Variants in GLRB observed in about 807,000 individuals in gnomAD.
The protein encoded by GLRB is glycine receptor subunit beta.
In GLRB, 33 loss-of-function variants were observed where a neutral mutation model predicts 54.2. The observed-to-expected ratio is 0.61, with a 90% CI of 0.46 to 0.81. The LOEUF (loss-of-function observed/expected upper bound fraction) is 0.81. Ranked by LOEUF, GLRB falls within the 40% of genes least tolerant of loss-of-function variation. The pLI is 0.00. For missense variants in GLRB, 572 were observed against 584.6 expected, an observed-to-expected ratio of 0.98 and a Z score of 0.22; for synonymous variants, 209 against 208.2, an observed-to-expected ratio of 1.00 and a Z score of -0.03.
At chr4:157,105,887 G>A (rs1195152972) in intron 2 of GLRB, among the ~76,000 whole-genome samples, 4 of 151,872 alleles carry the variant, frequency 2.6e-5, no homozygotes, top group Non-Finnish European at 5.9e-5. Flanking sequence ...TTCAGCCTAT[G>A]TGTATCCTTA....
At chr4:157,107,515 A>G (rs1175537723) in intron 2 of GLRB, among the ~76,000 whole-genome samples, 4 of 152,136 alleles carry the variant, frequency 2.6e-5, no homozygotes, top group African/African-American at 9.7e-5. Flanking sequence ...ATAGAAGACC[A>G]AATGACCTAT....
At chr4:157,128,973 A>T (rs997389515) in intron 4 of GLRB, among the ~76,000 whole-genome samples, 10 of 151,928 alleles carry the variant, frequency 6.6e-5, no homozygotes, top group African/African-American at 2.2e-4. Flanking sequence ...AAAACAAATG[A>T]ATTAAAGATT....
intron 4 of GLRB, among the ~76,000 whole-genome samples, chr4:157,128,530 T>C (rs1006147971): frequency 1.3e-5 from 2 of 151,898 alleles, no homozygotes; most frequent in Non-Finnish European, 2.9e-5. Flanking sequence ...TCCTCATTCC[T>C]GTATTTAATA....
intron 7 of GLRB, 138 bp downstream of exon 7, chr4:157,139,087 T>A (rs1479041363): frequency 1.8e-6 from 1 of 567,110 alleles, no homozygotes; most frequent in East Asian, 2.9e-5. Flanking sequence ...TACATTCATA[T>A]GTTTAAGTCT....
intron 9 of GLRB, among the ~76,000 whole-genome samples, chr4:157,168,253 T>A (rs1237620244): frequency 6.6e-6 from 1 of 152,082 alleles, no homozygotes; most frequent in East Asian, 1.9e-4. Context: ...AATTGGTAAA[T>A]TGTAACTGCA....
chr4:157,168,051 G>A (rs575297191), intron 9 of GLRB, among the ~76,000 whole-genome samples: 365 of 152,124 alleles, frequency 2.4e-3, no homozygotes, highest in African/African-American at 7.9e-3. Flanking sequence ...CTCCAACACC[G>A]GGAGTCACAT....
At chr4:157,149,527 T>A (rs1736940819) in intron 8 of GLRB, among the ~76,000 whole-genome samples, 1 of 152,110 alleles carries the variant, frequency 6.6e-6, no homozygotes, top group Non-Finnish European at 1.5e-5. Context: ...CAATTATAAA[T>A]GCAAAAAGAT....
At chr4:157,093,408 A>T (rs1447498750) in intron 2 of GLRB, among the ~76,000 whole-genome samples, 2 of 152,196 alleles carry the variant, frequency 1.3e-5, no homozygotes, top group African/African-American at 2.4e-5. Context: ...TCATCTAATA[A>T]GATCACAAAC....
At position 157,132,692 on chromosome 4, in the gene GLRB, A is replaced by G. The variant is rs1451461883; in HGVS notation, c.298-3777A>G. ...TGGACCCCATGTTCTTATCCCTCTC[A>G]GATAGCTCAGACCTTTGAACATGGG... is the stretch of plus-strand genomic sequence containing the variant. On this transcript the variant is annotated intron_variant, in intron 4 of 9. Coordinates refer to ENST00000264428, the MANE Select transcript of GLRB (RefSeq NM_000824.5). Among the ~76,000 whole-genome samples, 5 of 151,932 alleles carry G rather than the reference A, an allele frequency of 3.3e-5. No homozygotes were observed. The Admixed American group carries it at 3.3e-4, about 10-fold the overall frequency.
intron 2 of GLRB, among the ~76,000 whole-genome samples, chr4:157,100,685 TA>T (rs768527310): frequency 4.6e-5 from 7 of 151,504 alleles, no homozygotes; most frequent in African/African-American, 9.7e-5. Context: ...AACATTAAAT[TA>T]AAAAAAAACA....
At chr4:157,120,687 C>T (rs1735784322) in intron 3 of GLRB, 25 bp downstream of exon 3, 1 of 1,060,358 alleles carries the variant, frequency 9.4e-7, no homozygotes, top group African/African-American at 1.6e-5. Context: ...TATAAATGTT[C>T]ATTTTTATTG....
chr4:157,125,361 G>C (rs190278064), intron 4 of GLRB, among the ~76,000 whole-genome samples: 1 of 151,954 alleles, frequency 6.6e-6, no homozygotes, highest in East Asian at 1.9e-4. Context: ...TCATCCAACA[G>C]GCTTGTGTTT....
chr4:157,123,986 T>G (rs758765092), intron 4 of GLRB, among the ~76,000 whole-genome samples: 2 of 151,822 alleles, frequency 1.3e-5, no homozygotes, highest in Non-Finnish European at 3.0e-5. Context: ...ATGTATCTAT[T>G]TTGTAATAAA....
intron 2 of GLRB, among the ~76,000 whole-genome samples, chr4:157,087,230 A>G (rs185026343): frequency 2.0e-5 from 3 of 152,264 alleles, no homozygotes; most frequent in Admixed American, 2.0e-4. Context: ...GATAAAACAT[A>G]TATTGTTTAA....
chr4:157,078,368 G>A, intron 2 of GLRB: 1 of 269,822 alleles, frequency 3.7e-6, no homozygotes, highest in Non-Finnish European at 5.7e-6. Context: ...TTTAAATCAT[G>A]CCATGGGTTT....
At chr4:157,151,084 A>T (rs1579242654) in intron 8 of GLRB, among the ~76,000 whole-genome samples, 1 of 152,076 alleles carries the variant, frequency 6.6e-6, no homozygotes, top group South Asian at 2.1e-4. Flanking sequence ...AAAGTTTCTA[A>T]TCTATCAGGA....
intron 2 of GLRB, among the ~76,000 whole-genome samples, chr4:157,099,172 C>T (rs1420299763): frequency 2.0e-5 from 3 of 151,994 alleles, no homozygotes; most frequent in East Asian, 1.9e-4. Flanking sequence ...TTGTCTAGGT[C>T]ATATGGGGCA....
chr4:157,103,639 A>G (rs1476137255), intron 2 of GLRB, among the ~76,000 whole-genome samples: 1 of 152,070 alleles, frequency 6.6e-6, no homozygotes, highest in East Asian at 1.9e-4. Context: ...TTTGGGTAGT[A>G]TGGGCATTTA....
At position 157,078,822 on chromosome 4, in the gene GLRB, A is replaced by G. The variant is rs561941916; in HGVS notation, c.122+676A>G. 1.2e-4 allele frequency among the ~76,000 whole-genome samples: 18 copies of G among 152,202 alleles called. No individual in the cohort carries two copies. The South Asian group carries it at 3.7e-3, about 32-fold the overall frequency. ...AGTCTCTTTCTGTCACCCAGGCTGG[A>G]GTGCAGTGGCACAATTATCTACTCA... On this transcript the variant is annotated intron_variant, in intron 2 of 9. Transcript: ENST00000264428.
Sources: allele counts gnomAD v4.1 joint callset (sites outside exome capture counted in the v4.1 genomes callset), GRCh38; gene constraint gnomAD v4.1.1; transcripts MANE v1.5; gene names NCBI Gene and HGNC (gene_info 2026-07-23, HGNC 2026-07-21).